Variants in NEK11 observed in about 807,000 individuals in gnomAD.
The protein encoded by NEK11 is NIMA related kinase 11.
Under a neutral mutation model 80.7 loss-of-function variants are expected in NEK11, and 72 were observed. That is an observed-to-expected ratio of 0.89 (90% CI 0.74 to 1.08). NEK11 has a LOEUF of 1.08. NEK11 is among the 50% of genes least tolerant of loss of function. The pLI, the probability that NEK11 is intolerant of heterozygous loss-of-function variation, is 0.00. For missense variants in NEK11, 764 were observed against 763.6 expected, an observed-to-expected ratio of 1.00 and a Z score of -0.01; for synonymous variants, 251 against 260.7, an observed-to-expected ratio of 0.96 and a Z score of 0.36.
intron 7 of NEK11, among the ~76,000 whole-genome samples, chr3:131,138,564 A>G (rs968261441): frequency 6.6e-6 from 1 of 152,004 alleles, no homozygotes; most frequent in Non-Finnish European, 1.5e-5. Flanking sequence ...TTGAGTGAAC[A>G]TAGGTAATAG....
At chr3:131,314,130 A>AGTGTGTGTGTGTGTGT (rs143988468) in intron 17 of NEK11, among the ~76,000 whole-genome samples, 6,431 of 149,256 alleles carry the variant, frequency 0.043, 219 homozygotes, top group African/African-American at 0.1. Flanking sequence ...GGAGAAAAAG[A>AGTGTGTGTGTGTGTGT]GTGTGTGTGT....
chr3:131,225,417 C>T (rs2095163258), intron 14 of NEK11, among the ~76,000 whole-genome samples: 1 of 152,140 alleles, frequency 6.6e-6, no homozygotes, highest in Non-Finnish European at 1.5e-5. Flanking sequence ...AGAACATATC[C>T]TCGTTGTTAA....
intron 17 of NEK11, among the ~76,000 whole-genome samples, chr3:131,284,343 C>A (rs546222578): frequency 6.6e-6 from 1 of 152,304 alleles, no homozygotes; most frequent in South Asian, 2.1e-4. Context: ...TTAGGACATG[C>A]CCTATGGTAG....
At chr3:131,271,656 T>A (rs1361840037) in intron 16 of NEK11, among the ~76,000 whole-genome samples, 1 of 151,458 alleles carries the variant, frequency 6.6e-6, no homozygotes, top group Non-Finnish European at 1.5e-5. Context: ...TTAGCTGGGC[T>A]TGGTGGCGGG....
intron 16 of NEK11, among the ~76,000 whole-genome samples, chr3:131,262,911 A>T (rs2095959617): frequency 6.7e-6 from 1 of 148,822 alleles, no homozygotes; most frequent in Non-Finnish European, 1.5e-5. Context: ...AGAACATGCA[A>T]TGTTTGGTTT....
At chr3:131,299,768 G>A (rs2096640958) in intron 17 of NEK11, among the ~76,000 whole-genome samples, 1 of 152,008 alleles carries the variant, frequency 6.6e-6, no homozygotes, top group Non-Finnish European at 1.5e-5. Context: ...TCTTTATCTA[G>A]TCTACCACTG....
intron 5 of NEK11, among the ~76,000 whole-genome samples, chr3:131,124,996 G>C (rs2083061783): frequency 6.6e-6 from 1 of 152,274 alleles, no homozygotes; most frequent in African/African-American, 2.4e-5. Context: ...AGCATCTGGG[G>C]TTATGGACCT....
chr3:131,071,608 A>T (rs990205214), intron 3 of NEK11, among the ~76,000 whole-genome samples: 1 of 151,996 alleles, frequency 6.6e-6, no homozygotes, highest in African/African-American at 2.4e-5. Context: ...TAACTTAAAA[A>T]ATTTTATATA....
At position 131,170,831 on chromosome 3, in the gene NEK11, A is replaced by T. The variant is rs147611739; in HGVS notation, c.1343A>T (p.Asp448Val). The T allele has an allele frequency of 6.2e-7, 1 of 1,613,962 alleles. No homozygotes were observed. The highest frequency in any genetic ancestry group is 8.5e-7 in the Non-Finnish European group (1 of 1,179,978). Residue 448 changes from aspartate (D) to valine (V), a missense_variant, in exon 14 of 18, where the codon GAC (aspartate) becomes GTC (valine). Transcript: ENST00000383366. ...GAGTCTCAGCCTATTCCTTCCATGGACCTCCACGAACTTGAATCAATTGTA... is the reference window on the plus strand; with the variant it reads ...GAGTCTCAGCCTATTCCTTCCATGGTCCTCCACGAACTTGAATCAATTGTA... ...LPESQPIPSM[D>V]LHELESIVED...
intron 16 of NEK11, among the ~76,000 whole-genome samples, chr3:131,250,762 G>C (rs532183596): frequency 2.0e-5 from 3 of 152,188 alleles, no homozygotes; most frequent in African/African-American, 7.2e-5. Flanking sequence ...GGAACTAATG[G>C]ATAACCCATT....
chr3:131,038,274 A>G (rs1416711715), intron 3 of NEK11, among the ~76,000 whole-genome samples: 1 of 152,208 alleles, frequency 6.6e-6, no homozygotes, highest in Non-Finnish European at 1.5e-5. Context: ...CTCTGCACAC[A>G]ATAAGGTCAA....
At chr3:131,141,270 AT>A (rs1560604251) in intron 7 of NEK11, among the ~76,000 whole-genome samples, 2 of 152,202 alleles carry the variant, frequency 1.3e-5, no homozygotes, top group Non-Finnish European at 2.9e-5. Flanking sequence ...ATTCTGATGT[AT>A]AAAGCAGAGA....
intron 15 of NEK11, among the ~76,000 whole-genome samples, chr3:131,242,406 C>T (rs1200326419): frequency 2.6e-5 from 4 of 152,120 alleles, no homozygotes; most frequent in Non-Finnish European, 4.4e-5. Context: ...TGTAATTTGG[C>T]ATCTAGCAAG....
intron 3 of NEK11, among the ~76,000 whole-genome samples, chr3:131,036,786 A>T (rs2065719582): frequency 6.6e-6 from 1 of 152,296 alleles, no homozygotes; most frequent in Middle Eastern, 3.4e-3. Context: ...GACAATTTGC[A>T]TTTCTAACAG....
At chr3:131,312,054 A>T (rs985598710) in intron 17 of NEK11, among the ~76,000 whole-genome samples, 4 of 152,218 alleles carry the variant, frequency 2.6e-5, no homozygotes, top group Non-Finnish European at 2.9e-5. Flanking sequence ...CCAAGAAGAC[A>T]TGGGTTTTGT....
At chr3:131,256,058 G>A (rs550969152) in intron 16 of NEK11, among the ~76,000 whole-genome samples, 2 of 152,294 alleles carry the variant, frequency 1.3e-5, no homozygotes, top group African/African-American at 4.8e-5. Context: ...CTGGGAAGGA[G>A]AGAAGAGAGG....
intron 3 of NEK11, among the ~76,000 whole-genome samples, chr3:131,047,445 A>C (rs571487056): frequency 3.9e-5 from 6 of 152,092 alleles, no homozygotes; most frequent in Non-Finnish European, 5.9e-5. Flanking sequence ...TGCTGTTTAG[A>C]TTCTTTTGTC....
At chr3:131,115,982 C>CTT (rs1339967779) in intron 5 of NEK11, among the ~76,000 whole-genome samples, 1 of 100,548 alleles carries the variant, frequency 9.9e-6, no homozygotes, top group Non-Finnish European at 2.1e-5. Context: ...TTCTTTCTTT[C>CTT]TTTCTTTATT....
chr3:131,094,390 G>A (rs1210264932), intron 4 of NEK11, among the ~76,000 whole-genome samples: 4 of 152,022 alleles, frequency 2.6e-5, no homozygotes, highest in Non-Finnish European at 5.9e-5. Context: ...TATTATTAGG[G>A]CCATACACCT....
Sources: allele counts gnomAD v4.1 joint callset (sites outside exome capture counted in the v4.1 genomes callset), GRCh38; gene constraint gnomAD v4.1.1; transcripts MANE v1.5; gene names NCBI Gene and HGNC (gene_info 2026-07-23, HGNC 2026-07-21).